Variants in SLC16A14 observed in about 807,000 individuals in gnomAD.
SLC16A14 encodes monocarboxylate transporter 14.
SLC16A14 carries 14 observed loss-of-function variants against 35.8 expected under a neutral mutation model. The ratio of observed to expected loss-of-function variants is 0.39; its 90% confidence interval spans 0.26 to 0.61. The LOEUF is 0.61. Among genes scored for constraint, SLC16A14 ranks in the 20% least tolerant of loss-of-function variants. The pLI is 0.51. For missense variants in SLC16A14, 533 were observed against 655.0 expected (o/e 0.81, Z 2.03); for synonymous variants, 248 against 258.9 (o/e 0.96, Z 0.40).
At position 230,044,730 on chromosome 2, in the gene SLC16A14, GTGTGTGTA is replaced by G. The variant is rs1260431319; in HGVS notation, c.1381+1007_1381+1014del. On this transcript the variant is annotated intron_variant, in intron 4 of 4. Transcript: ENST00000295190. ...TGTGTGTGTGTGTGTGTGTGTGTGT[GTGTGTGTA>G]TGTGTGTGTGTGTGTGTGTGTGTGT... is the stretch of plus-strand genomic sequence containing the variant. 5.3e-3 allele frequency among the ~76,000 whole-genome samples: 517 copies of G among 98,140 alleles called. 2 individuals carry two copies. Among genetic ancestry groups the G allele is most frequent in the African/African-American group, 0.017 (454 of 27,486 alleles). The allele number at this position is 98,140 out of a possible 152,430, so 64.4% of individuals were successfully genotyped here.
chr2:230,062,348 CTT>C (rs374870184), intron 1 of SLC16A14, among the ~76,000 whole-genome samples: 27 of 127,614 alleles, frequency 2.1e-4, no homozygotes, highest in Non-Finnish European at 2.8e-4. Flanking sequence ...TTGTTTTTAC[CTT>C]TTTTTTTTTT....
intron 4 of SLC16A14, among the ~76,000 whole-genome samples, chr2:230,039,127 T>A (rs190744661): frequency 2.0e-5 from 3 of 151,410 alleles, no homozygotes; most frequent in African/African-American, 4.9e-5. Context: ...GTTTATTGTA[T>A]CTAGTGTGTG....
intron 4 of SLC16A14, among the ~76,000 whole-genome samples, chr2:230,043,900 C>A (rs1040998468): frequency 6.6e-6 from 1 of 152,232 alleles, no homozygotes; most frequent in Non-Finnish European, 1.5e-5. Context: ...TTCTGCTATG[C>A]CTGAATACCA....
At chr2:230,047,874 T>A (rs2106256261) in intron 3 of SLC16A14, among the ~76,000 whole-genome samples, 2 of 152,282 alleles carry the variant, frequency 1.3e-5, no homozygotes, top group Admixed American at 1.3e-4. Flanking sequence ...AATAGAAATA[T>A]CAAAAATGTA....
chr2:230,044,965 T>C (rs1577386020), intron 4 of SLC16A14, among the ~76,000 whole-genome samples: 1 of 152,148 alleles, frequency 6.6e-6, no homozygotes, highest in South Asian at 2.1e-4. Context: ...ATCAAGTCCA[T>C]GGATGTGTTC....
intron 2 of SLC16A14, among the ~76,000 whole-genome samples, chr2:230,051,360 C>T (rs1173219987): frequency 1.3e-5 from 2 of 152,088 alleles, no homozygotes; most frequent in Non-Finnish European, 1.5e-5. Flanking sequence ...AGGGTTTCGC[C>T]GTGTTGTTCA....
At chr2:230,051,228 A>G (rs1209795492) in intron 2 of SLC16A14, among the ~76,000 whole-genome samples, 2 of 152,102 alleles carry the variant, frequency 1.3e-5, no homozygotes, top group Non-Finnish European at 2.9e-5. Flanking sequence ...TGGTGTGATC[A>G]CGGCTCACTG....
chr2:230,066,541 A>T, intron 1 of SLC16A14: 1 of 373,198 alleles, frequency 2.7e-6, no homozygotes, highest in South Asian at 2.1e-5. Flanking sequence ...ACGTGATAAT[A>T]GGCAGAAATG....
At chr2:230,044,437 C>T (rs1204867370) in intron 4 of SLC16A14, among the ~76,000 whole-genome samples, 3 of 146,800 alleles carry the variant, frequency 2.0e-5, no homozygotes, top group African/African-American at 7.6e-5. Context: ...GAGATCACGC[C>T]ACTGCACTCC....
chr2:230,060,789 T>G (rs2077746649), intron 1 of SLC16A14, among the ~76,000 whole-genome samples: 2 of 151,990 alleles, frequency 1.3e-5, no homozygotes, highest in South Asian at 4.2e-4. Context: ...TGACTAATCC[T>G]GGAGATGGTG....
rs1413291687 is a variant in SLC16A14, at chr2:230,038,730, C to T, written c.1382-1199G>A. ...GACCAGCCTGGCCAACATGGCAAAA[C>T]CCCCATCTCTACTAAAAAATACAAA... On this transcript the variant is annotated intron_variant, in intron 4 of 4. Coordinates refer to ENST00000295190, the MANE Select transcript of SLC16A14 (RefSeq NM_152527.5). This position sits in a 1 kb window ranked among gnomAD's most constrained non-coding sequence, Gnocchi z 4.4. Among the ~76,000 whole-genome samples the T allele has an allele frequency of 1.3e-5, 2 of 151,886 alleles. No individual in the cohort carries two copies. Among genetic ancestry groups the T allele is most frequent in the South Asian group, 2.1e-4 (1 of 4,808 alleles).
At chr2:230,048,396 A>C (rs533472095) in intron 3 of SLC16A14, among the ~76,000 whole-genome samples, 47 of 152,254 alleles carry the variant, frequency 3.1e-4, no homozygotes, top group Non-Finnish European at 6.0e-4. Flanking sequence ...GTTTATTTAA[A>C]ATGCAATTGT....
chr2:230,058,138 G>A (rs575391043), intron 2 of SLC16A14: 1 of 151,892 alleles, frequency 6.6e-6, no homozygotes, highest in East Asian at 1.9e-4. Context: ...TAAACAAGCA[G>A]AGATTTATAA....
Position 230,046,383 on chromosome 2 carries a change from TC to T in SLC16A14, c.742del (p.Glu248ArgfsTer36). On this transcript the variant is annotated frameshift_variant, in exon 4 of 5. Coordinates refer to ENST00000295190, the MANE Select transcript of SLC16A14 (RefSeq NM_152527.5). LOFTEE classifies it high-confidence loss of function. The surrounding 1 kb of genome is among the most constrained non-coding windows in gnomAD (Gnocchi z 5.0). Reference protein sequence around the residue: ...KSTGQQGRTEEKDGGLGNEET... With the variant: ...KSTGQQGRTEXKDGGLGNEET... ...CTCGTTCCCGAGCCCACCATCCTTC[TC>T]TTCTGTTCTTCCCTGCTGTCCAGTT... 6.2e-7 allele frequency: 1 copy of T among 1,614,220 alleles called. No individual in the cohort carries two copies. The highest frequency in any genetic ancestry group is 8.5e-7 in the Non-Finnish European group (1 of 1,180,044).
intron 4 of SLC16A14, among the ~76,000 whole-genome samples, chr2:230,041,739 C>A (rs985381958): frequency 1.3e-5 from 2 of 152,182 alleles, no homozygotes; most frequent in African/African-American, 4.8e-5. Context: ...TGTTCAATAT[C>A]TCTGATTCTA....
At chr2:230,058,599 G>A (rs925251825) in intron 2 of SLC16A14, among the ~76,000 whole-genome samples, 35 of 151,668 alleles carry the variant, frequency 2.3e-4, no homozygotes, top group Admixed American at 3.3e-4. Flanking sequence ...AAATATGAGC[G>A]TACTTAATGG....
chr2:230,061,993 C>T (rs563936200), intron 1 of SLC16A14, among the ~76,000 whole-genome samples: 3 of 152,252 alleles, frequency 2.0e-5, no homozygotes, highest in East Asian at 3.9e-4. Flanking sequence ...CCTCCTGCCT[C>T]GGCTTTCAAA....
chr2:230,044,736 G>GTGTGTGTGTGTA (rs575463088), intron 4 of SLC16A14, among the ~76,000 whole-genome samples: 1,510 of 106,998 alleles, frequency 0.014, 11 homozygotes, highest in Non-Finnish European at 0.022. Context: ...GTGTGTGTGT[G>GTGTGTGTGTGTA]TATGTGTGTG....
chr2:230,064,878 C>T (rs11898815), intron 1 of SLC16A14, among the ~76,000 whole-genome samples: 10,403 of 152,020 alleles, frequency 0.068, 444 homozygotes, highest in Middle Eastern at 0.099. Context: ...GGTGTGGTGG[C>T]GCATGCCTGT....
Sources: allele counts gnomAD v4.1 joint callset (sites outside exome capture counted in the v4.1 genomes callset), GRCh38; gene constraint gnomAD v4.1.1; non-coding constraint Gnocchi (gnomAD v3.1); transcripts MANE v1.5; gene names NCBI Gene and HGNC (gene_info 2026-07-23, HGNC 2026-07-21).